The following BID variants were observed in gnomAD, a reference collection of about 807,000 sequenced individuals.
BID encodes the protein BH3-interacting domain death agonist.
A neutral mutation model predicts 17.4 loss-of-function variants in BID; 19 were observed. The ratio of observed to expected loss-of-function variants is 1.09; its 90% CI spans 0.76 to 1.60. BID has a LOEUF of 1.60. Ranked by LOEUF, BID falls within the 40% of genes most tolerant of loss-of-function variation. BID has a pLI of 0.00. For synonymous variants in BID, 108 were observed against 102.8 expected (o/e 1.05, Z -0.31); for missense variants, 226 against 256.0 (o/e 0.88, Z 0.80).
intron 1 of BID, among the ~76,000 whole-genome samples, chr22:17,762,872 C>T (rs201994090): frequency 9.6e-6 from 1 of 104,118 alleles, no homozygotes. Context: ...AAAAACAAAA[C>T]CTGTTTGTTT....
intron 1 of BID, among the ~76,000 whole-genome samples, chr22:17,755,082 C>CTTTT (rs59654004): frequency 1.0e-4 from 10 of 99,278 alleles, no homozygotes; most frequent in Non-Finnish European, 1.4e-4. Context: ...TTTTTCTTTT[C>CTTTT]TTTTTTTTTT....
chr22:17,770,804 C>T (rs187914150), intron 1 of BID, among the ~76,000 whole-genome samples: 50 of 152,340 alleles, frequency 3.3e-4, no homozygotes, highest in African/African-American at 1.1e-3. Flanking sequence ...CCAAGGACTG[C>T]CCCCGGCGCC....
At chr22:17,768,798 G>A (rs980519896) in intron 1 of BID, among the ~76,000 whole-genome samples, 4 of 151,230 alleles carry the variant, frequency 2.6e-5, no homozygotes, top group Admixed American at 1.3e-4. Flanking sequence ...CGTGAAACTC[G>A]GGAGGCAGAG....
intron 4 of BID, 65 bp from the exon 5 acceptor site, chr22:17,738,294 C>A: frequency 6.8e-7 from 1 of 1,473,698 alleles, no homozygotes; most frequent in South Asian, 1.1e-5. Flanking sequence ...AAAGACAGTC[C>A]CCAGTATGAA....
intron 5 of BID, among the ~76,000 whole-genome samples, chr22:17,737,256 CTG>C (rs1292840222): frequency 2.6e-5 from 4 of 152,118 alleles, no homozygotes; most frequent in African/African-American, 9.7e-5. Context: ...AGCCTTTAGA[CTG>C]TGACTTGTAA....
chr22:17,759,850 A>T (rs375469364), intron 1 of BID, among the ~76,000 whole-genome samples: 80 of 152,300 alleles, frequency 5.3e-4, no homozygotes, highest in African/African-American at 1.9e-3. Context: ...AATATCATTT[A>T]AAAATGTTTC....
In BID at chr22:17,738,088, C is replaced by G; in HGVS notation, c.505G>C (p.Asp169His). 1 of 1,614,194 alleles carries G rather than the reference C, an allele frequency of 6.2e-7. No individual in the cohort carries two copies. Among genetic ancestry groups the G allele is most frequent in the Non-Finnish European group, 8.5e-7 (1 of 1,180,042 alleles). The change falls in exon 5 of 6, where the codon GAT becomes CAT. Residue 169 changes from aspartate (D) to histidine (H), a missense_variant. By Grantham distance (81) the Asp-to-His change is moderately conservative. Coordinates refer to ENST00000622694, the MANE Select transcript of BID (RefSeq NM_001196.4). The part of the protein sequence containing the change: ...VASHTPSLLR[D>H]VFHTTVNFIN... ...AAATTCACTGTTGTGTGAAAGACATCACGGAGCAAGGACGGCGTGTGACTG... is the reference window on the plus strand; with the variant it reads ...AAATTCACTGTTGTGTGAAAGACATGACGGAGCAAGGACGGCGTGTGACTG...
chr22:17,773,919 G>C lies in BID; in HGVS notation c.-59+462C>G, dbSNP rs548239158. On this transcript the variant is annotated intron_variant, in intron 1 of 5. Coordinates refer to ENST00000622694, the MANE Select transcript of BID (RefSeq NM_001196.4). The surrounding 1 kb of genome is among the most constrained non-coding windows in gnomAD (Gnocchi z 4.4). ...CCCTGAGCTCCGCTCGGGAGGAGCC[G>C]GCAGGTGTCTGCGGTGCTGGAAAGA... 7 of 587,356 alleles carry C rather than the reference G, an allele frequency of 1.2e-5. No homozygotes were observed. The highest frequency in any genetic ancestry group is 7.2e-4 in the Middle Eastern group (2 of 2,786). 36.4% of individuals were successfully genotyped at this position (587,356 alleles called of 1,614,324 possible).
chr22:17,738,245 C>G lies in BID; in HGVS notation c.364-16G>C, dbSNP rs760394304. ...TGTTCCGGTCCTGCACAGAGGGGCA[C>G]ACAGAACCTGGTTTACTAATACTCT... On this transcript the variant is annotated splice_polypyrimidine_tract_variant and intron_variant, in intron 4 of 5. Transcript: ENST00000622694. 1 of 1,605,518 alleles carries G rather than the reference C, an allele frequency of 6.2e-7. No individual in the cohort carries two copies. Among genetic ancestry groups the G allele is most frequent in the Non-Finnish European group, 8.5e-7 (1 of 1,178,402 alleles).
intron 1 of BID, among the ~76,000 whole-genome samples, chr22:17,766,736 T>C (rs1448989337): frequency 2.6e-5 from 4 of 151,774 alleles, no homozygotes; most frequent in African/African-American, 9.7e-5. Flanking sequence ...AGTATAGGCG[T>C]CTGCCACCAC....
chr22:17,751,793 G>A (rs2061541960), intron 1 of BID, among the ~76,000 whole-genome samples: 1 of 152,228 alleles, frequency 6.6e-6, no homozygotes, highest in Non-Finnish European at 1.5e-5. Flanking sequence ...AAGGGACCAA[G>A]AGCAAATGAC....
chr22:17,766,399 A>G (rs956919003), intron 1 of BID, among the ~76,000 whole-genome samples: 1 of 149,684 alleles, frequency 6.7e-6, no homozygotes, highest in Non-Finnish European at 1.5e-5. Context: ...CTCCTGCCTC[A>G]GCCTCCCGAG....
At chr22:17,756,476 T>TG (rs1555906134) in intron 1 of BID, among the ~76,000 whole-genome samples, 9 of 103,788 alleles carry the variant, frequency 8.7e-5, no homozygotes, top group Middle Eastern at 5.1e-3. Context: ...TCTTTCTTTC[T>TG]TTTCTTTCTT....
At position 17,739,615 on chromosome 22, in the gene BID, C is replaced by T. The variant is rs549092485; in HGVS notation, c.224-127G>A. 3.8e-5 allele frequency: 48 copies of T among 1,256,666 alleles called. No individual in the cohort carries two copies. In the African/African-American group the frequency reaches 6.2e-4, roughly 16 times the overall value. 77.8% of individuals were successfully genotyped at this position (1,256,666 alleles called of 1,614,324 possible). A position where few individuals can be genotyped will look rare whatever the true frequency, so the allele number is the denominator to read the frequency against. ...GGACAAGGCCAGCCCCCACTGGGCACGTGCTCCACTCCACCAGGGCCACAG... is the reference window on the plus strand; with the variant it reads ...GGACAAGGCCAGCCCCCACTGGGCATGTGCTCCACTCCACCAGGGCCACAG... On this transcript the variant is annotated intron_variant, in intron 3 of 5. Coordinates refer to ENST00000622694, the MANE Select transcript of BID (RefSeq NM_001196.4).
rs543546745 is a variant in BID at position 17,744,132 on chromosome 22, C to G, written c.13-119G>C. On this transcript the variant is annotated intron_variant, in intron 2 of 5. Transcript: ENST00000622694. ...CACAGGTCCCAGAGAGCTGAGGGAC[C>G]CTGTGGGCTGGAGGGCCCTGCAGGA... The G allele has an allele frequency of 1.0e-4, 94 of 924,636 alleles. 1 individual carries two copies. In the South Asian group the frequency reaches 1.1e-3, roughly 11 times the overall value. 57.3% of individuals were successfully genotyped at this position (924,636 alleles called of 1,614,324 possible).
At chr22:17,740,056 C>T in intron 3 of BID, 1 of 1,605,966 alleles carries the variant, frequency 6.2e-7, no homozygotes, top group Middle Eastern at 1.7e-4. Context: ...TGGCGCACAG[C>T]CTCCGTGCTG....
rs756251057 is a variant in BID, at chr22:17,769,481, T to C, written c.-59+4900A>G. Reference sequence around the variant, plus strand: ...GCCTGGATTTCAGGGGAAGTGGGGCTTGGGTAAACAGGAACGGACGTGGCC... The same window carrying C: ...GCCTGGATTTCAGGGGAAGTGGGGCCTGGGTAAACAGGAACGGACGTGGCC... On this transcript the variant is annotated intron_variant, in intron 1 of 5. Transcript: ENST00000622694. This position sits in a 1 kb window ranked among gnomAD's most constrained non-coding sequence, Gnocchi z 4.8. Among the ~76,000 whole-genome samples the C allele has an allele frequency of 3.3e-5, 5 of 152,174 alleles. No individual in the cohort carries two copies. The highest frequency in any genetic ancestry group is 7.4e-5 in the Non-Finnish European group (5 of 68,000).
At chr22:17,738,345 G>T in intron 4 of BID, 116 bp from the exon 5 acceptor site, 1 of 977,108 alleles carries the variant, frequency 1.0e-6, no homozygotes, top group Non-Finnish European at 1.5e-6. Context: ...AGGGCTGCTG[G>T]GCGGAAAGAA....
intron 3 of BID, chr22:17,739,761 T>C: frequency 1.7e-6 from 1 of 578,278 alleles, no homozygotes; most frequent in Non-Finnish European, 3.1e-6. Flanking sequence ...CCGGTGAAGC[T>C]GGGGCATCAC....
Sources: gnomAD v4.1 joint callset for allele counts (sites outside exome capture counted in the v4.1 genomes callset) on GRCh38, gnomAD v4.1.1 for gene constraint, Gnocchi (gnomAD v3.1) non-coding constraint, MANE v1.5 for transcripts, NCBI Gene and HGNC (gene_info 2026-07-23, HGNC 2026-07-21) for gene names.